The following RHOBTB3 variants were observed in gnomAD, a reference collection of about 807,000 sequenced individuals.
RHOBTB3 encodes Rho related BTB domain containing 3.
Under a neutral mutation model 67.2 loss-of-function variants are expected in RHOBTB3, and 47 were observed. The ratio of observed to expected loss-of-function variants is 0.70; its 90% CI spans 0.55 to 0.89. The LOEUF is 0.89. Among genes scored for constraint, RHOBTB3 ranks in the 40% least tolerant of loss-of-function variants. RHOBTB3 has a pLI of 0.00. For missense variants in RHOBTB3, 631 were observed against 750.0 expected, an observed-to-expected ratio of 0.84 and a Z score of 1.85; for synonymous variants, 273 against 274.2, an observed-to-expected ratio of 1.00 and a Z score of 0.04.
chr5:95,781,398 G>C (rs534577819), intron 9 of RHOBTB3: 12 of 152,344 alleles, frequency 7.9e-5, no homozygotes, highest in Admixed American at 2.0e-4. Context: ...TTCTTACACT[G>C]GGTATTGAAA....
In RHOBTB3 at chr5:95,731,419, G is replaced by C; in HGVS notation, c.-264G>C. 3 of 1,192,530 alleles carry C rather than the reference G, an allele frequency of 2.5e-6. No homozygotes were observed. Among genetic ancestry groups the C allele is most frequent in the Non-Finnish European group, 3.1e-6 (3 of 965,632 alleles). 73.9% of individuals were successfully genotyped at this position (1,192,530 alleles called of 1,614,324 possible). A position where few individuals can be genotyped will look rare whatever the true frequency, so the allele number is the denominator to read the frequency against. On this transcript the variant is annotated 5_prime_UTR_variant, in exon 1 of 12. Coordinates refer to ENST00000379982, the MANE Select transcript of RHOBTB3 (RefSeq NM_014899.4). ...TGCGTCCACTTGGGGCTGTGCGGCG[G>C]TCCCGCGCCCGGCGATGTTCCCGGG...
At chr5:95,727,104 A>G (rs1158027988), upstream of RHOBTB3, among the ~76,000 whole-genome samples, 1 of 152,184 alleles carries the variant, frequency 6.6e-6, no homozygotes, top group Non-Finnish European at 1.5e-5. Flanking sequence ...TAACCTTAGA[A>G]AACCCATCTT....
intron 6 of RHOBTB3, among the ~76,000 whole-genome samples, chr5:95,756,836 A>G (rs1040001136): frequency 6.6e-6 from 1 of 152,234 alleles, no homozygotes; most frequent in African/African-American, 2.4e-5. Flanking sequence ...CTGCCAAACA[A>G]GTATGTTAAT....
intron 1 of RHOBTB3, among the ~76,000 whole-genome samples, chr5:95,719,103 A>G (rs10056054): frequency 0.062 from 9,481 of 152,208 alleles, 893 homozygotes; most frequent in African/African-American, 0.2. Flanking sequence ...GATCATAGAG[A>G]ACATGGACAT....
rs918202812 is a variant in RHOBTB3, at chr5:95,731,518, G to A, written c.-165G>A. On this transcript the variant is annotated 5_prime_UTR_variant, in exon 1 of 12. Transcript: ENST00000379982. ...GTCCCCGGCTCGCTCGCTGGCTGGCGCGGCCCCGGCCCCGCTCTGCGTCGG... is the reference window on the plus strand; with the variant it reads ...GTCCCCGGCTCGCTCGCTGGCTGGCACGGCCCCGGCCCCGCTCTGCGTCGG... The A allele has an allele frequency of 5.6e-5, 71 of 1,261,130 alleles. No individual in the cohort carries two copies. Among genetic ancestry groups the A allele is most frequent in the Admixed American group, 8.7e-5 (2 of 23,118 alleles). The allele number at this position is 1,261,130 out of a possible 1,614,324, so 78.1% of individuals were successfully genotyped here.
At chr5:95,747,052 T>C (rs746783061) in intron 3 of RHOBTB3, among the ~76,000 whole-genome samples, 9 of 152,242 alleles carry the variant, frequency 5.9e-5, no homozygotes, top group East Asian at 1.9e-4. Context: ...CCCTCAGTTA[T>C]TGGGGCTTGT....
At chr5:95,767,242 C>T (rs1013745982) in intron 7 of RHOBTB3, among the ~76,000 whole-genome samples, 1 of 152,010 alleles carries the variant, frequency 6.6e-6, no homozygotes, top group Non-Finnish European at 1.5e-5. Context: ...CTTCATTACT[C>T]TACGTTATTT....
rs1027888071 is a variant in RHOBTB3, at chr5:95,738,191, C to T, written c.415+1116C>T. On this transcript the variant is annotated intron_variant, in intron 3 of 11. Transcript: ENST00000379982. ...GGTCAGAGGGCAGGTATATATATAGCATTAGTAGATACAAGTAAGGCAGGC... is the reference window on the plus strand; with the variant it reads ...GGTCAGAGGGCAGGTATATATATAGTATTAGTAGATACAAGTAAGGCAGGC... 2.6e-5 allele frequency among the ~76,000 whole-genome samples: 4 copies of T among 152,242 alleles called. No homozygotes were observed. The East Asian group carries it at 5.8e-4, about 22-fold the overall frequency.
intron 4 of RHOBTB3, among the ~76,000 whole-genome samples, chr5:95,750,331 G>A (rs1186824868): frequency 1.3e-5 from 2 of 152,162 alleles, no homozygotes; most frequent in African/African-American, 4.8e-5. Flanking sequence ...CAAGTCAGTG[G>A]AGCCAAGGGT....
intron 8 of RHOBTB3, among the ~76,000 whole-genome samples, chr5:95,775,378 T>C (rs1745839259): frequency 6.7e-6 from 1 of 149,522 alleles, no homozygotes; most frequent in African/African-American, 2.4e-5. Context: ...TCCTAAACTA[T>C]TAAGAATGTG....
chr5:95,780,352 T>G lies in RHOBTB3; in HGVS notation c.1383T>G (p.Ile461Met). Residue 461 changes from isoleucine to methionine, a missense_variant, in exon 9 of 12, where the codon ATT becomes ATG. Ile to Met is a conservative substitution (Grantham distance 10). Coordinates refer to ENST00000379982, the MANE Select transcript of RHOBTB3 (RefSeq NM_014899.4). ...GNYMEAKSVL[I>M]PVYGVSKETF... ...ACATGGAAGCAAAGAGTGTCCTGAT[T>G]CCCGTTTATGGTGTTTCCAAAGAGA... 6.2e-7 allele frequency: 1 copy of G among 1,614,078 alleles called. No homozygotes were observed. Among genetic ancestry groups the G allele is most frequent in the Non-Finnish European group, 8.5e-7 (1 of 1,179,908 alleles).
Position 95,755,537 on chromosome 5 carries a change from G to C in RHOBTB3, c.824G>C (p.Cys275Ser), listed in dbSNP as rs908400182. Residue 275 changes from cysteine to serine, a missense_variant, in exon 6 of 12, where the codon TGC (cysteine) becomes TCC (serine). Physicochemically the swap from Cys to Ser is moderately radical, Grantham distance 112. Coordinates refer to ENST00000379982, the MANE Select transcript of RHOBTB3 (RefSeq NM_014899.4). ...KVVEAHKIVL[C>S]AVSHVFMLLF... The stretch of plus-strand genomic sequence containing the variant: ...GTAGAGGCCCACAAGATCGTTCTCT[G>C]CGCTGTAAGCCATGTTTTCATGCTG... The C allele has an allele frequency of 6.2e-7, 1 of 1,614,126 alleles. No homozygotes were observed. Among genetic ancestry groups the C allele is most frequent in the African/African-American group, 1.3e-5 (1 of 75,024 alleles).
At chr5:95,765,853 G>A (rs1396641048) in intron 7 of RHOBTB3, among the ~76,000 whole-genome samples, 9 of 152,230 alleles carry the variant, frequency 5.9e-5, no homozygotes, top group South Asian at 2.1e-4. Flanking sequence ...GAGTGGAGAC[G>A]GGGTTTCACC....
At chr5:95,730,434 G>A (rs1755187808), upstream of RHOBTB3, among the ~76,000 whole-genome samples, 1 of 152,180 alleles carries the variant, frequency 6.6e-6, no homozygotes, top group East Asian at 1.9e-4. Flanking sequence ...GGATCCCAGT[G>A]TTCGTTTGTA....
Position 95,731,495 on chromosome 5 carries a change from C to A in RHOBTB3, c.-188C>A. The A allele has an allele frequency of 1.6e-6, 2 of 1,244,076 alleles. No homozygotes were observed. The highest frequency in any genetic ancestry group is 2.0e-6 in the Non-Finnish European group (2 of 997,954). 77.1% of individuals were successfully genotyped at this position (1,244,076 alleles called of 1,614,324 possible). On this transcript the variant is annotated 5_prime_UTR_variant, in exon 1 of 12. Coordinates refer to ENST00000379982, the MANE Select transcript of RHOBTB3 (RefSeq NM_014899.4). ...CCCCCGCCCGCTAGCCCGCCCTGGT[C>A]CCCGGCTCGCTCGCTGGCTGGCGCG... is the stretch of plus-strand genomic sequence containing the variant.
chr5:95,790,741 G>GA (rs1032603506), intron 11 of RHOBTB3, among the ~76,000 whole-genome samples: 18 of 152,242 alleles, frequency 1.2e-4, no homozygotes, highest in African/African-American at 4.1e-4. Context: ...TTGGGCAGAG[G>GA]AAAAAAGCGC....
chr5:95,734,892 C>T (rs1473553151), intron 2 of RHOBTB3, among the ~76,000 whole-genome samples: 13 of 152,290 alleles, frequency 8.5e-5, no homozygotes, highest in Non-Finnish European at 1.8e-4. Context: ...TCCTCCCCTT[C>T]CCCGGATACC....
chr5:95,790,112 A>G (rs1484934526), intron 11 of RHOBTB3, among the ~76,000 whole-genome samples: 2 of 152,250 alleles, frequency 1.3e-5, no homozygotes, highest in African/African-American at 2.4e-5. Flanking sequence ...TTATATGTCT[A>G]TTAGGAGCCT....
At position 95,761,881 on chromosome 5, in the gene RHOBTB3, C is replaced by T. The variant is rs537562181; in HGVS notation, c.1049-1627C>T. On this transcript the variant is annotated intron_variant, in intron 6 of 11. Transcript: ENST00000379982. ...AATGTTTGTGTGCACATGAAATTTT[C>T]TGGTCATACAATCCCAAGAATTTAT... Among the ~76,000 whole-genome samples the T allele has an allele frequency of 8.5e-5, 13 of 152,246 alleles. No individual in the cohort carries two copies. The East Asian group carries it at 2.5e-3, about 29-fold the overall frequency.
Sources: gnomAD v4.1 joint callset for allele counts (sites outside exome capture counted in the v4.1 genomes callset) on GRCh38, gnomAD v4.1.1 for gene constraint, MANE v1.5 for transcripts, NCBI Gene and HGNC (gene_info 2026-07-23, HGNC 2026-07-21) for gene names.